The following GRID1 variants were observed in gnomAD, a reference collection of about 807,000 sequenced individuals.
The protein encoded by GRID1 is glutamate ionotropic receptor delta type subunit 1.
In GRID1, 28 loss-of-function variants were observed where a neutral mutation model predicts 98.0. That is an observed-to-expected ratio of 0.29 (90% CI 0.21 to 0.39). The LOEUF is 0.39. Among genes scored for constraint, GRID1 ranks in the 10% least tolerant of loss-of-function variants. GRID1 has a pLI of 1.00. For synonymous variants in GRID1, 553 were observed against 538.5 expected (o/e 1.03, Z -0.37); for missense variants, 1,111 against 1,340.5 (o/e 0.83, Z 2.67).
At chr10:85,727,778 G>T in intron 10 of GRID1, 77 bp downstream of exon 10, 3 of 1,080,440 alleles carry the variant, frequency 2.8e-6, no homozygotes, top group Non-Finnish European at 2.8e-6. Context: ...TTTCCACTGT[G>T]CAATTGGTCA....
intron 2 of GRID1, among the ~76,000 whole-genome samples, chr10:86,334,365 G>C (rs1028982831): frequency 6.6e-6 from 1 of 152,180 alleles, no homozygotes; most frequent in East Asian, 1.9e-4. Flanking sequence ...CTTTGTCTCC[G>C]CATGCACCAT....
chr10:85,701,073 A>G (rs901719825), intron 12 of GRID1, among the ~76,000 whole-genome samples: 32 of 152,212 alleles, frequency 2.1e-4, no homozygotes, highest in African/African-American at 7.0e-4. Context: ...CTGGGGCATC[A>G]TGTATCATGA....
At chr10:85,712,295 A>T (rs1294295606) in intron 12 of GRID1, among the ~76,000 whole-genome samples, 4 of 151,850 alleles carry the variant, frequency 2.6e-5, no homozygotes, top group Non-Finnish European at 5.9e-5. Flanking sequence ...AGCACACTGA[A>T]AGAAAAAAGA....
At chr10:85,816,766 G>T (rs1842720184) in intron 8 of GRID1, among the ~76,000 whole-genome samples, 1 of 152,150 alleles carries the variant, frequency 6.6e-6, no homozygotes, top group Admixed American at 6.6e-5. Context: ...TAAACTGTGT[G>T]TCAAAGGGAT....
intron 2 of GRID1, among the ~76,000 whole-genome samples, chr10:86,286,322 C>T (rs1847430825): frequency 6.6e-6 from 1 of 152,162 alleles, no homozygotes; most frequent in Non-Finnish European, 1.5e-5. Context: ...AGTGCTGTGC[C>T]TTTATTGAGG....
chr10:85,643,748 C>T (rs774256244), intron 13 of GRID1, among the ~76,000 whole-genome samples: 7 of 151,610 alleles, frequency 4.6e-5, no homozygotes, highest in Non-Finnish European at 1.0e-4. Context: ...GATCCAAATG[C>T]AAGAGAGAGA....
At chr10:85,924,942 T>C (rs1027521438) in intron 4 of GRID1, among the ~76,000 whole-genome samples, 1 of 152,148 alleles carries the variant, frequency 6.6e-6, no homozygotes, top group African/African-American at 2.4e-5. Context: ...TCAGATGAAA[T>C]AGAGGCAGCT....
chr10:85,599,802 A>AAAAAAAAAAAAAAAAAAAAAAATATAT lies in GRID1; in HGVS notation c.*2470_*2471insATATATTTTTTTTTTTTTTTTTTTTTT. 1.5e-5 allele frequency: 1 copy of AAAAAAAAAAAAAAAAAAAAAAATATAT among 64,978 alleles called. No individual in the cohort carries two copies. The highest frequency in any genetic ancestry group is 1.7e-4 in the Admixed American group (1 of 5,844). 4.0% of individuals were successfully genotyped at this position (64,978 alleles called of 1,614,324 possible). On this transcript the variant is annotated 3_prime_UTR_variant, in exon 16 of 16. Coordinates refer to ENST00000327946, the MANE Select transcript of GRID1 (RefSeq NM_017551.3). Reference sequence around the variant, plus strand: ...GTAGAAAATTCTAAAAAAAAAAAAAAATATATATATATATATATAAACATG... The same window carrying AAAAAAAAAAAAAAAAAAAAAAATATAT: ...GTAGAAAATTCTAAAAAAAAAAAAAAAAAAAAAAAAAAAAAAAAAAAATATATATATATATATATATATATAAACATG...
intron 4 of GRID1, among the ~76,000 whole-genome samples, chr10:86,111,750 G>C (rs1244834623): frequency 1.3e-5 from 2 of 152,208 alleles, no homozygotes; most frequent in Non-Finnish European, 2.9e-5. Flanking sequence ...ATCAGTGTTT[G>C]GCTGGTCCAA....
chr10:85,687,841 G>T (rs897139282), intron 12 of GRID1, among the ~76,000 whole-genome samples: 1 of 152,110 alleles, frequency 6.6e-6, no homozygotes, highest in African/African-American at 2.4e-5. Flanking sequence ...ACAAATTGAG[G>T]AACTGAATGT....
intron 4 of GRID1, among the ~76,000 whole-genome samples, chr10:85,953,218 T>C (rs969892506): frequency 6.6e-6 from 1 of 152,102 alleles, no homozygotes; most frequent in Non-Finnish European, 1.5e-5. Context: ...TCATGTCCTT[T>C]GCAGGGACAT....
intron 8 of GRID1, among the ~76,000 whole-genome samples, chr10:85,735,216 C>A (rs573563034): frequency 5.3e-5 from 8 of 152,282 alleles, no homozygotes; most frequent in African/African-American, 1.9e-4. Flanking sequence ...TGACAGCTGA[C>A]CTGTCAAGAT....
chr10:86,274,634 G>A (rs1036372172), intron 2 of GRID1, among the ~76,000 whole-genome samples: 3 of 152,046 alleles, frequency 2.0e-5, no homozygotes, highest in Non-Finnish European at 2.9e-5. Context: ...CACGTCCCTT[G>A]TAAGTTAGAT....
chr10:85,811,594 C>T (rs749563022), intron 8 of GRID1, among the ~76,000 whole-genome samples: 4 of 151,846 alleles, frequency 2.6e-5, no homozygotes, highest in African/African-American at 7.3e-5. Context: ...CAACAACAGA[C>T]GAGACCAAGC....
At chr10:85,815,516 T>A (rs542291391) in intron 8 of GRID1, among the ~76,000 whole-genome samples, 1 of 152,024 alleles carries the variant, frequency 6.6e-6, no homozygotes. Flanking sequence ...TATATTAAAA[T>A]CTACTAGTAA....
chr10:86,011,680 A>G (rs2131881466), intron 4 of GRID1, among the ~76,000 whole-genome samples: 1 of 152,336 alleles, frequency 6.6e-6, no homozygotes, highest in African/African-American at 2.4e-5. Context: ...CTGATATGGA[A>G]GCACTTGCCA....
intron 8 of GRID1, among the ~76,000 whole-genome samples, chr10:85,768,039 G>A (rs1842214405): frequency 6.6e-6 from 1 of 152,136 alleles, no homozygotes. Flanking sequence ...AAACAGAACA[G>A]GAAATGCAAA....
chr10:86,097,844 T>C (rs1315545688), intron 4 of GRID1, among the ~76,000 whole-genome samples: 1 of 152,238 alleles, frequency 6.6e-6, no homozygotes, highest in Non-Finnish European at 1.5e-5. Context: ...CTGAAGTTAA[T>C]ATAACTTTCT....
At chr10:86,142,315 T>C (rs1342398055) in intron 3 of GRID1, among the ~76,000 whole-genome samples, 1 of 152,256 alleles carries the variant, frequency 6.6e-6, no homozygotes. Flanking sequence ...ATCGAGGTCA[T>C]TGGATGCATT....
Sources: gnomAD v4.1 joint callset for allele counts (sites outside exome capture counted in the v4.1 genomes callset) on GRCh38, gnomAD v4.1.1 for gene constraint, MANE v1.5 for transcripts, NCBI Gene and HGNC (gene_info 2026-07-23, HGNC 2026-07-21) for gene names.